Variants in GPC6 observed in about 807,000 individuals in gnomAD.
The protein encoded by GPC6 is glypican-6.
In GPC6, 14 loss-of-function variants were observed where a neutral mutation model predicts 55.2. The ratio of observed to expected loss-of-function variants is 0.25; its 90% CI spans 0.17 to 0.40. GPC6 has a LOEUF of 0.40. Ranked by LOEUF, GPC6 falls within the 10% of genes least tolerant of loss-of-function variation. The pLI is 1.00. For missense variants in GPC6, 641 were observed against 708.5 expected (o/e 0.90, Z 1.08); for synonymous variants, 278 against 259.6 (o/e 1.07, Z -0.68).
chr13:94,165,308 T>C (rs550859815), intron 4 of GPC6, among the ~76,000 whole-genome samples: 2 of 149,978 alleles, frequency 1.3e-5, no homozygotes, highest in South Asian at 4.2e-4. Flanking sequence ...TGGAATACTA[T>C]TCAGCCATAA....
chr13:93,734,071 C>G (rs986403416), intron 2 of GPC6, among the ~76,000 whole-genome samples: 1 of 151,812 alleles, frequency 6.6e-6, no homozygotes, highest in Non-Finnish European at 1.5e-5. Flanking sequence ...TAAACCTCAG[C>G]TTCTACAGAA....
intron 1 of GPC6, among the ~76,000 whole-genome samples, chr13:93,249,139 C>G (rs1232788345): frequency 6.6e-6 from 1 of 152,124 alleles, no homozygotes; most frequent in African/African-American, 2.4e-5. Context: ...GTGCCATAAA[C>G]CTACCACCTT....
At position 93,227,245 on chromosome 13, in the gene GPC6, C is replaced by T. The variant is rs1204868631; in HGVS notation, c.-212C>T. On this transcript the variant is annotated 5_prime_UTR_variant, in exon 1 of 9. Coordinates refer to ENST00000377047, the MANE Select transcript of GPC6 (RefSeq NM_005708.5). This position sits in a 1 kb window ranked among gnomAD's most constrained non-coding sequence, Gnocchi z 4.3. The stretch of plus-strand genomic sequence containing the variant: ...AAGGCAGCAGCCTTCCCAGCCAGCC[C>T]TTGTTGGCTTGCCATCGTCCATCTG... 5.9e-6 allele frequency: 3 copies of T among 505,968 alleles called. No individual in the cohort carries two copies. The highest frequency in any genetic ancestry group is 3.1e-5 in the East Asian group (1 of 31,802). The allele number at this position is 505,968 out of a possible 1,614,324, so 31.3% of individuals were successfully genotyped here.
chr13:93,275,259 A>G (rs1305001594), intron 1 of GPC6, among the ~76,000 whole-genome samples: 4 of 152,190 alleles, frequency 2.6e-5, no homozygotes, highest in African/African-American at 9.7e-5. Flanking sequence ...TAAGATCTTA[A>G]TTGGGTACAT....
chr13:93,249,006 T>TC (rs1327336379), intron 1 of GPC6, among the ~76,000 whole-genome samples: 2 of 152,126 alleles, frequency 1.3e-5, no homozygotes, highest in African/African-American at 2.4e-5. Context: ...TGTTCTTTTT[T>TC]CCCCTCCCTG....
Position 93,227,303 on chromosome 13 carries a change from G to C in GPC6, c.-154G>C. ...AAAGTTTGCTGAGCGCAGTCCAGAG[G>C]GCTGCGCTGCTCGTCCCCTCGGCTG... is the stretch of plus-strand genomic sequence containing the variant. On this transcript the variant is annotated 5_prime_UTR_variant, in exon 1 of 9. Transcript: ENST00000377047. The surrounding 1 kb of genome is among the most constrained non-coding windows in gnomAD (Gnocchi z 4.3). 1.4e-6 allele frequency: 1 copy of C among 700,724 alleles called. No homozygotes were observed. The highest frequency in any genetic ancestry group is 1.8e-5 in the African/African-American group (1 of 56,136). 43.4% of individuals were successfully genotyped at this position (700,724 alleles called of 1,614,324 possible). A position where few individuals can be genotyped will look rare whatever the true frequency, so the allele number is the denominator to read the frequency against.
At chr13:93,470,095 G>A (rs1031093044) in intron 1 of GPC6, among the ~76,000 whole-genome samples, 1 of 151,948 alleles carries the variant, frequency 6.6e-6, no homozygotes, top group Non-Finnish European at 1.5e-5. Flanking sequence ...GGTAATTCTA[G>A]ATCTTTTGCC....
intron 6 of GPC6, among the ~76,000 whole-genome samples, chr13:94,372,096 T>C (rs1346819952): frequency 6.6e-6 from 1 of 152,124 alleles, no homozygotes; most frequent in Non-Finnish European, 1.5e-5. Flanking sequence ...TCTTTTTTCC[T>C]TCTCTTTGTT....
intron 1 of GPC6, among the ~76,000 whole-genome samples, chr13:93,506,790 C>G (rs550860958): frequency 1.3e-5 from 2 of 149,114 alleles, no homozygotes; most frequent in African/African-American, 5.0e-5. Flanking sequence ...CCTGTAATCC[C>G]GGCACTTTGG....
In GPC6 at chr13:93,950,002, A is replaced by G. The variant is rs115172551; in HGVS notation, c.712-77727A>G. On this transcript the variant is annotated intron_variant, in intron 3 of 8. Transcript: ENST00000377047. ...CTTGGCCTCCCAAAGTGGACTACAG[A>G]CATGAGCCGCTGCACCCAGCCTGCT... Among the ~76,000 whole-genome samples the G allele has an allele frequency of 3.4e-3, 515 of 152,302 alleles. 4 individuals carry two copies. The highest frequency in any genetic ancestry group is 0.012 in the African/African-American group (500 of 41,560).
intron 2 of GPC6, among the ~76,000 whole-genome samples, chr13:93,749,770 A>C (rs1369564094): frequency 6.6e-6 from 1 of 152,242 alleles, no homozygotes; most frequent in African/African-American, 2.4e-5. Flanking sequence ...GCCAATAGCA[A>C]CCTATAAATT....
the GPC6 span, among the ~76,000 whole-genome samples, chr13:93,219,527 A>C: frequency 8.5e-5 from 13 of 152,270 alleles, no homozygotes; most frequent in Admixed American, 3.3e-4. Context: ...AAAACAAATA[A>C]ATTTTATTGA....
chr13:94,155,226 C>T (rs1335100829), intron 4 of GPC6, among the ~76,000 whole-genome samples: 1 of 34,652 alleles, frequency 2.9e-5, no homozygotes, highest in Non-Finnish European at 8.1e-5. Context: ...CCCTTCTCAT[C>T]CCACAACCTG....
At chr13:94,014,892 A>C (rs1882399135) in intron 3 of GPC6, among the ~76,000 whole-genome samples, 2 of 152,216 alleles carry the variant, frequency 1.3e-5, no homozygotes, top group Non-Finnish European at 2.9e-5. Flanking sequence ...TTGGTGAATA[A>C]TATTTTGCTG....
chr13:93,412,037 C>G (rs1876520047), intron 1 of GPC6, among the ~76,000 whole-genome samples: 1 of 151,558 alleles, frequency 6.6e-6, no homozygotes, highest in Non-Finnish European at 1.5e-5. Flanking sequence ...AAATAAATAG[C>G]CATTATATTC....
chr13:94,252,263 T>C (rs777003831), intron 4 of GPC6, among the ~76,000 whole-genome samples: 11 of 152,170 alleles, frequency 7.2e-5, no homozygotes, highest in Non-Finnish European at 1.3e-4. Context: ...GAATGTGTCC[T>C]TTATGAGTTC....
At position 94,403,890 on chromosome 13, in the gene GPC6, C is replaced by T. The variant is rs1881260970; in HGVS notation, c.*673C>T. On this transcript the variant is annotated 3_prime_UTR_variant, in exon 9 of 9. Coordinates refer to ENST00000377047, the MANE Select transcript of GPC6 (RefSeq NM_005708.5). ...GAATCCCGTCTTTAATATGAGAACA[C>T]AAATTACTACAACTCAGTACCTCTG... 6.3e-6 allele frequency: 1 copy of T among 157,552 alleles called. No individual in the cohort carries two copies. The highest frequency in any genetic ancestry group is 2.4e-5 in the African/African-American group (1 of 41,300). 9.8% of individuals were successfully genotyped at this position (157,552 alleles called of 1,614,324 possible). A position where few individuals can be genotyped will look rare whatever the true frequency, so the allele number is the denominator to read the frequency against.
intron 3 of GPC6, among the ~76,000 whole-genome samples, chr13:93,964,422 G>C (rs907359351): frequency 2.6e-5 from 4 of 152,090 alleles, no homozygotes; most frequent in African/African-American, 9.7e-5. Flanking sequence ...TTAAAATACT[G>C]GGTTTTATTA....
intron 2 of GPC6, among the ~76,000 whole-genome samples, chr13:93,678,823 T>C (rs919333272): frequency 5.3e-5 from 8 of 152,062 alleles, no homozygotes. Flanking sequence ...CTGCTGAACA[T>C]GTCAGAATCA....
Sources: gnomAD v4.1 joint callset for allele counts (sites outside exome capture counted in the v4.1 genomes callset) on GRCh38, gnomAD v4.1.1 for gene constraint, Gnocchi (gnomAD v3.1) non-coding constraint, MANE v1.5 for transcripts, NCBI Gene and HGNC (gene_info 2026-07-23, HGNC 2026-07-21) for gene names.